Variants in DSCAM observed in about 807,000 individuals in gnomAD.
DSCAM encodes cell adhesion molecule DSCAM.
In DSCAM, 47 loss-of-function variants were observed where a neutral mutation model predicts 217.7. That is an observed-to-expected ratio of 0.22 (90% confidence interval 0.17 to 0.28). The LOEUF is 0.28. Ranked by LOEUF, DSCAM falls within the 10% of genes least tolerant of loss-of-function variation. The pLI is 1.00. For synonymous variants in DSCAM, 1,056 were observed against 1,015.3 expected, an observed-to-expected ratio of 1.04 and a Z score of -0.76; for missense variants, 2,080 against 2,618.3, an observed-to-expected ratio of 0.79 and a Z score of 4.49.
At chr21:40,438,736 G>T (rs1454145278) in intron 3 of DSCAM, among the ~76,000 whole-genome samples, 1 of 152,126 alleles carries the variant, frequency 6.6e-6, no homozygotes, top group African/African-American at 2.4e-5. Context: ...CAAAATGAGG[G>T]TGTCTTCTGG....
At chr21:40,088,181 T>C (rs1466556432) in intron 21 of DSCAM, among the ~76,000 whole-genome samples, 1 of 152,088 alleles carries the variant, frequency 6.6e-6, no homozygotes, top group Admixed American at 6.6e-5. Context: ...GCTGGGGACA[T>C]AGAGGAAACA....
intron 3 of DSCAM, among the ~76,000 whole-genome samples, chr21:40,518,627 TAC>T (rs565687723): frequency 2.6e-3 from 331 of 126,872 alleles, no homozygotes; most frequent in African/African-American, 9.2e-3. Context: ...TATATATACA[TAC>T]ACACACATAT....
At chr21:40,623,456 C>G (rs573709331) in intron 3 of DSCAM, among the ~76,000 whole-genome samples, 1 of 152,304 alleles carries the variant, frequency 6.6e-6, no homozygotes, top group African/African-American at 2.4e-5. Flanking sequence ...TTAACAAATG[C>G]ATTCCAAACT....
In DSCAM at chr21:40,846,779, C is replaced by CCCGCCGCCGCCGCCG. The variant is rs41386156; in HGVS notation, c.-133_-119dup. On this transcript the variant is annotated 5_prime_UTR_variant, in exon 1 of 33. Coordinates refer to ENST00000400454, the MANE Select transcript of DSCAM (RefSeq NM_001389.5). ...CCCGGGGGCCGCCGCCCGCCCGCCG[C>CCCGCCGCCGCCGCCG]CCGCCGCCGCCGCCGCCGCTGCCTA... 1 of 307,458 alleles carries CCCGCCGCCGCCGCCG rather than the reference C, an allele frequency of 3.3e-6. No individual in the cohort carries two copies. Among genetic ancestry groups the CCCGCCGCCGCCGCCG allele is most frequent in the African/African-American group, 2.3e-5 (1 of 43,616 alleles). The allele number at this position is 307,458 out of a possible 1,614,324, so 19.0% of individuals were successfully genotyped here. A position where few individuals can be genotyped will look rare whatever the true frequency, so the allele number is the denominator to read the frequency against.
At chr21:40,660,827 C>A (rs1054672245) in intron 3 of DSCAM, among the ~76,000 whole-genome samples, 3 of 152,128 alleles carry the variant, frequency 2.0e-5, no homozygotes, top group Admixed American at 6.6e-5. Context: ...CAAAATCAAC[C>A]GACAATAACA....
intron 3 of DSCAM, among the ~76,000 whole-genome samples, chr21:40,468,599 G>A (rs771270468): frequency 2.6e-4 from 40 of 152,050 alleles, no homozygotes; most frequent in Non-Finnish European, 5.6e-4. Context: ...GAACAAGGAG[G>A]GGTTTCCTGA....
intron 11 of DSCAM, among the ~76,000 whole-genome samples, chr21:40,214,755 AAAC>A (rs1601448649): frequency 6.6e-6 from 1 of 151,482 alleles, no homozygotes; most frequent in East Asian, 1.9e-4. Flanking sequence ...AAAAAAAACA[AAAC>A]AAAAAACAAC....
chr21:40,734,670 G>A (rs1306839848), intron 1 of DSCAM, among the ~76,000 whole-genome samples: 1 of 152,126 alleles, frequency 6.6e-6, no homozygotes, highest in Non-Finnish European at 1.5e-5. Flanking sequence ...AAATTCAACT[G>A]GGACCTCCAT....
intron 4 of DSCAM, among the ~76,000 whole-genome samples, chr21:40,366,091 C>G (rs1184664406): frequency 6.6e-6 from 1 of 151,960 alleles, no homozygotes; most frequent in African/African-American, 2.4e-5. Context: ...CTTTACAGCT[C>G]AAAAATTTTA....
intron 3 of DSCAM, among the ~76,000 whole-genome samples, chr21:40,535,163 C>T (rs8128762): frequency 0.016 from 2,428 of 152,234 alleles, 53 homozygotes; most frequent in Admixed American, 0.037. Flanking sequence ...TACAATGACA[C>T]TCTCTATCTT....
At chr21:40,806,680 G>T (rs999725399) in intron 1 of DSCAM, among the ~76,000 whole-genome samples, 1 of 152,186 alleles carries the variant, frequency 6.6e-6, no homozygotes, top group Non-Finnish European at 1.5e-5. Context: ...TTGCGGCACT[G>T]TTCACAATAG....
chr21:40,489,359 T>C (rs1768637453), intron 3 of DSCAM, among the ~76,000 whole-genome samples: 1 of 152,210 alleles, frequency 6.6e-6, no homozygotes, highest in African/African-American at 2.4e-5. Context: ...CTGCTGACTT[T>C]GAACTTAAAC....
chr21:40,466,703 T>C (rs1402102519), intron 3 of DSCAM, among the ~76,000 whole-genome samples: 1 of 152,160 alleles, frequency 6.6e-6, no homozygotes. Context: ...ACACACCTCT[T>C]TTCTTTTTTC....
chr21:40,085,555 G>A, intron 23 of DSCAM, 47 bp downstream of exon 23: 2 of 1,405,142 alleles, frequency 1.4e-6, no homozygotes, highest in South Asian at 1.8e-5. Flanking sequence ...TGCATAGAAA[G>A]CATACATGTA....
intron 11 of DSCAM, among the ~76,000 whole-genome samples, chr21:40,269,764 C>T (rs1204961364): frequency 1.3e-5 from 2 of 152,160 alleles, no homozygotes; most frequent in African/African-American, 4.8e-5. Context: ...TGTCTGCACC[C>T]AGATTGTCCC....
intron 3 of DSCAM, among the ~76,000 whole-genome samples, chr21:40,605,090 A>C (rs2089214709): frequency 6.6e-6 from 1 of 152,198 alleles, no homozygotes; most frequent in Non-Finnish European, 1.5e-5. Context: ...TCTGACCTTC[A>C]TGTGAGAATC....
chr21:40,351,566 A>G (rs932477680), intron 5 of DSCAM, among the ~76,000 whole-genome samples: 1 of 152,180 alleles, frequency 6.6e-6, no homozygotes, highest in African/African-American at 2.4e-5. Flanking sequence ...AGAGCTTGAC[A>G]AGAAGACAGT....
intron 11 of DSCAM, among the ~76,000 whole-genome samples, chr21:40,223,154 G>A (rs1359430022): frequency 6.6e-6 from 1 of 152,146 alleles, no homozygotes; most frequent in Admixed American, 6.5e-5. Context: ...CCCGATGTGG[G>A]AGCCAAGAGG....
intron 4 of DSCAM, among the ~76,000 whole-genome samples, chr21:40,366,609 T>A (rs8132944): frequency 0.62 from 94,584 of 151,912 alleles, 30,003 homozygotes; most frequent in East Asian, 0.75. Flanking sequence ...AAAACTTTTT[T>A]AAAAATTTTC....
Sources: gnomAD v4.1 joint callset for allele counts (sites outside exome capture counted in the v4.1 genomes callset) on GRCh38, gnomAD v4.1.1 for gene constraint, MANE v1.5 for transcripts, NCBI Gene and HGNC (gene_info 2026-07-23, HGNC 2026-07-21) for gene names.